The following IQGAP2 variants were observed in gnomAD, a reference collection of about 807,000 sequenced individuals.
IQGAP2 encodes the protein IQ motif containing GTPase activating protein 2, also known as ras GTPase-activating-like protein IQGAP2.
Under a neutral mutation model 201.3 loss-of-function variants are expected in IQGAP2, and 173 were observed. The observed-to-expected ratio is 0.86, with a 90% CI of 0.76 to 0.98. IQGAP2 has a LOEUF of 0.98. IQGAP2 is among the 50% of genes least tolerant of loss of function. The pLI is 0.00. For synonymous variants in IQGAP2, 675 were observed against 673.9 expected (o/e 1.00, Z -0.03); for missense variants, 1,687 against 1,864.8 (o/e 0.90, Z 1.76).
chr5:76,530,852 T>C (rs1580391273), intron 2 of IQGAP2, among the ~76,000 whole-genome samples: 1 of 152,244 alleles, frequency 6.6e-6, no homozygotes, highest in East Asian at 1.9e-4. Flanking sequence ...CTGTAAACTT[T>C]AAGAATCCAT....
In IQGAP2 at chr5:76,557,421, A is replaced by C. The variant is rs111435421; in HGVS notation, c.147-4975A>C. Among the ~76,000 whole-genome samples, 613 of 152,358 alleles carry C rather than the reference A, an allele frequency of 4.0e-3. 4 individuals carry two copies. The highest frequency in any genetic ancestry group is 6.4e-3 in the Admixed American group (98 of 15,306). On this transcript the variant is annotated intron_variant, in intron 2 of 35. Transcript: ENST00000274364. ...AGTATCAAGTCCAGATTTTGGCAAA[A>C]GATCATGCTCAATAAACACTAGTTG...
chr5:76,528,110 C>T (rs780967672), intron 2 of IQGAP2, among the ~76,000 whole-genome samples: 24 of 152,228 alleles, frequency 1.6e-4, no homozygotes, highest in Non-Finnish European at 2.5e-4. Context: ...GGATCTTGGG[C>T]GCCATTAAGA....
At chr5:76,567,314 CATTTCGG>C (rs1197915286) in intron 3 of IQGAP2, among the ~76,000 whole-genome samples, 2 of 152,184 alleles carry the variant, frequency 1.3e-5, no homozygotes, top group African/African-American at 2.4e-5. Context: ...TTCCTTGGAG[CATTTCGG>C]ATTTCGGATT....
intron 17 of IQGAP2, 124 bp from the exon 18 acceptor site, chr5:76,652,626 T>C (rs889008945): frequency 6.7e-6 from 5 of 748,098 alleles, no homozygotes; most frequent in Non-Finnish European, 1.2e-5. Flanking sequence ...AGATGAGATC[T>C]GAAGGGAGGG....
chr5:76,579,095 C>G (rs1031873073), intron 5 of IQGAP2, among the ~76,000 whole-genome samples: 4 of 152,022 alleles, frequency 2.6e-5, no homozygotes, highest in Non-Finnish European at 5.9e-5. Flanking sequence ...GTTTTGAGTA[C>G]TTCAGATACC....
At chr5:76,681,684 G>T (rs1745315094) in intron 28 of IQGAP2, among the ~76,000 whole-genome samples, 1 of 151,924 alleles carries the variant, frequency 6.6e-6, no homozygotes, top group Non-Finnish European at 1.5e-5. Flanking sequence ...GAGTATGGCG[G>T]CACGATCAAT....
chr5:76,682,500 T>C (rs1745390942), intron 28 of IQGAP2, among the ~76,000 whole-genome samples: 1 of 151,958 alleles, frequency 6.6e-6, no homozygotes, highest in Non-Finnish European at 1.5e-5. Flanking sequence ...TTTCATGGTT[T>C]CCCCCGAGTG....
chr5:76,534,484 A>G (rs1279486578), intron 2 of IQGAP2, among the ~76,000 whole-genome samples: 2 of 152,252 alleles, frequency 1.3e-5, no homozygotes, highest in Admixed American at 1.3e-4. Context: ...TTTTCTGAAC[A>G]AGAAAAGGTT....
intron 1 of IQGAP2, among the ~76,000 whole-genome samples, chr5:76,415,368 T>C (rs1751353795): frequency 6.6e-6 from 1 of 152,224 alleles, no homozygotes; most frequent in Non-Finnish European, 1.5e-5. Flanking sequence ...TAATATTTTT[T>C]CTTCCTCAAA....
chr5:76,495,880 C>T (rs925821181), intron 2 of IQGAP2, among the ~76,000 whole-genome samples: 1 of 152,222 alleles, frequency 6.6e-6, no homozygotes, highest in Non-Finnish European at 1.5e-5. Context: ...CCTCCATCAT[C>T]CAATCACCTC....
intron 1 of IQGAP2, among the ~76,000 whole-genome samples, chr5:76,451,649 C>G (rs1339927670): frequency 6.6e-6 from 1 of 152,192 alleles, no homozygotes; most frequent in African/African-American, 2.4e-5. Flanking sequence ...TCAGATAGAT[C>G]AGTTAGATGC....
intron 2 of IQGAP2, among the ~76,000 whole-genome samples, chr5:76,547,939 T>A (rs535717113): frequency 6.6e-6 from 1 of 152,204 alleles, no homozygotes; most frequent in South Asian, 2.1e-4. Flanking sequence ...TATGTTCAGA[T>A]CAGTGTAGCC....
Position 76,683,150 on chromosome 5 carries a change from G to A in IQGAP2, c.3696G>A (p.Glu1232=). The A allele has an allele frequency of 6.2e-7, 1 of 1,612,060 alleles. No homozygotes were observed. The highest frequency in any genetic ancestry group is 8.5e-7 in the Non-Finnish European group (1 of 1,179,022). Residue 1232 remains glutamate (E), a synonymous_variant, in exon 29 of 36, where the codon GAG becomes GAA. Coordinates refer to ENST00000274364, the MANE Select transcript of IQGAP2 (RefSeq NM_006633.5). ...LLEHQDAIAP[E]KNDLLSELLG... ...AACACCAGGATGCAATTGCCCCTGA[G>A]AAAAATGACTTACTGAGTGAATTGC...
chr5:76,647,530 G>GT (rs58003375), intron 17 of IQGAP2, among the ~76,000 whole-genome samples: 143,074 of 151,950 alleles, frequency 0.94, 67,676 homozygotes, highest in African/African-American at 0.99. Flanking sequence ...TCATGAGATG[G>GT]TTTATAAGGG....
intron 13 of IQGAP2, among the ~76,000 whole-genome samples, chr5:76,614,081 T>C (rs1748671507): frequency 6.6e-6 from 1 of 152,224 alleles, no homozygotes; most frequent in Non-Finnish European, 1.5e-5. Context: ...CCTGGGTCCC[T>C]GTCTGCCCAC....
At chr5:76,609,310 T>A in intron 12 of IQGAP2, 1 of 1,413,722 alleles carries the variant, frequency 7.1e-7, no homozygotes, top group East Asian at 2.5e-5. Context: ...ATAAATCCTA[T>A]AGGGTAAAAC....
At chr5:76,486,169 A>G (rs78973453) in intron 2 of IQGAP2, among the ~76,000 whole-genome samples, 4,607 of 152,324 alleles carry the variant, frequency 0.03, 100 homozygotes, top group African/African-American at 0.065. Flanking sequence ...TTTGGTATAA[A>G]GGTGTTCAGC....
intron 13 of IQGAP2, among the ~76,000 whole-genome samples, chr5:76,622,134 A>G (rs1749751227): frequency 6.6e-6 from 1 of 152,112 alleles, no homozygotes; most frequent in African/African-American, 2.4e-5. Context: ...CCCATGGAAG[A>G]AAGCAAATTC....
chr5:76,690,665 A>G (rs1186926496), intron 30 of IQGAP2, among the ~76,000 whole-genome samples: 1 of 152,236 alleles, frequency 6.6e-6, no homozygotes, highest in East Asian at 1.9e-4. Context: ...AAAGAAATAG[A>G]TGAAATTAAT....
Sources: allele counts gnomAD v4.1 joint callset (sites outside exome capture counted in the v4.1 genomes callset), GRCh38; gene constraint gnomAD v4.1.1; transcripts MANE v1.5; gene names NCBI Gene and HGNC (gene_info 2026-07-23, HGNC 2026-07-21).